Variants in PTK2 observed in about 807,000 individuals in gnomAD.
PTK2 encodes the protein protein tyrosine kinase 2, also known as focal adhesion kinase 1.
PTK2 carries 45 observed loss-of-function variants against 150.1 expected under a neutral mutation model. The ratio of observed to expected loss-of-function variants is 0.30; its 90% CI spans 0.24 to 0.38. The LOEUF is 0.38. Ranked by LOEUF, PTK2 falls within the 10% of genes least tolerant of loss-of-function variation. PTK2 has a pLI of 1.00. For synonymous variants in PTK2, 432 were observed against 449.2 expected (o/e 0.96, Z 0.48); for missense variants, 919 against 1,307.3 (o/e 0.70, Z 4.58).
At chr8:140,820,110 T>A (rs1273500951) in intron 8 of PTK2, among the ~76,000 whole-genome samples, 1 of 79,116 alleles carries the variant, frequency 1.3e-5, no homozygotes, top group Admixed American at 1.3e-4. Flanking sequence ...TTTTTTTTTT[T>A]TTTTTTTTAA....
chr8:140,991,027 C>A (rs558012067), intron 1 of PTK2, among the ~76,000 whole-genome samples: 1 of 152,188 alleles, frequency 6.6e-6, no homozygotes, highest in Non-Finnish European at 1.5e-5. Context: ...GAGCTCACAA[C>A]ATTCTGTCTG....
At chr8:140,923,590 C>T (rs1434449606) in intron 2 of PTK2, among the ~76,000 whole-genome samples, 1 of 152,190 alleles carries the variant, frequency 6.6e-6, no homozygotes, top group Non-Finnish European at 1.5e-5. Flanking sequence ...TTGAAAAGAA[C>T]AGAAACAGAC....
At chr8:140,981,812 T>C (rs536460994) in intron 1 of PTK2, among the ~76,000 whole-genome samples, 1 of 152,266 alleles carries the variant, frequency 6.6e-6, no homozygotes, top group East Asian at 1.9e-4. Context: ...GTTTACTGTC[T>C]AGCCCTTCAC....
At chr8:140,783,728 A>G (rs2100083183) in intron 14 of PTK2, among the ~76,000 whole-genome samples, 3 of 152,252 alleles carry the variant, frequency 2.0e-5, no homozygotes. Context: ...TTAATAGTTC[A>G]GAATAATTTC....
chr8:140,695,884 A>G (rs2100026231), intron 26 of PTK2, among the ~76,000 whole-genome samples: 2 of 152,224 alleles, frequency 1.3e-5, no homozygotes, highest in East Asian at 1.9e-4. Context: ...CTGAATTTTA[A>G]AAGGTCCCCT....
chr8:140,902,930 T>TGTG (rs1464479188), intron 2 of PTK2, among the ~76,000 whole-genome samples: 1 of 89,428 alleles, frequency 1.1e-5, no homozygotes, highest in Non-Finnish European at 2.4e-5. Flanking sequence ...AGTTGTTTTT[T>TGTG]TTTTTTTTTT....
In PTK2 at chr8:140,984,295, C is replaced by G. The variant is rs183775026; in HGVS notation, c.-122+16830G>C. On this transcript the variant is annotated intron_variant, in intron 1 of 31. Coordinates refer to ENST00000522684, the Ensembl canonical transcript of PTK2. Reference sequence around the variant, plus strand: ...TAGAGCCAGGATTCTGACCCCAACTCCATGCCCTTAACTACCGCAATCAAC... The same window carrying G: ...TAGAGCCAGGATTCTGACCCCAACTGCATGCCCTTAACTACCGCAATCAAC... 2.0e-5 allele frequency: 3 copies of G among 152,722 alleles called. No homozygotes were observed. In the East Asian group the frequency reaches 5.8e-4, roughly 29 times the overall value. The allele number at this position is 152,722 out of a possible 1,614,324, so 9.5% of individuals were successfully genotyped here.
At chr8:140,960,768 G>T (rs946716789) in intron 1 of PTK2, among the ~76,000 whole-genome samples, 11 of 152,054 alleles carry the variant, frequency 7.2e-5, no homozygotes, top group Admixed American at 2.0e-4. Flanking sequence ...GATCACCTGA[G>T]GTCAGGAGTT....
At position 140,688,662 on chromosome 8, in the gene PTK2, G is replaced by A. The variant is rs150879837; in HGVS notation, c.2500-1968C>T. Among the ~76,000 whole-genome samples the A allele has an allele frequency of 5.8e-3, 880 of 152,280 alleles. 12 individuals carry two copies. Among genetic ancestry groups the A allele is most frequent in the African/African-American group, 0.019 (805 of 41,540 alleles). ...TTGAGCCCAGGAGTTTGAGGCTGTA[G>A]TGAGCTACCATTGTACCACTGCACT... is the stretch of plus-strand genomic sequence containing the variant. On this transcript the variant is annotated intron_variant, in intron 26 of 31. Coordinates refer to ENST00000522684, the Ensembl canonical transcript of PTK2.
chr8:140,715,155 G>GTTT (rs67306225), intron 23 of PTK2, among the ~76,000 whole-genome samples: 5 of 56,010 alleles, frequency 8.9e-5, no homozygotes, highest in Non-Finnish European at 1.3e-4. Flanking sequence ...CATTAAAACC[G>GTTT]TTTTTTTTTT....
At chr8:140,881,677 CAT>C (rs1422694831) in intron 3 of PTK2, among the ~76,000 whole-genome samples, 3 of 152,210 alleles carry the variant, frequency 2.0e-5, no homozygotes, top group Non-Finnish European at 2.9e-5. Flanking sequence ...AATCATTTCT[CAT>C]AATTGTCACC....
intron 1 of PTK2, among the ~76,000 whole-genome samples, chr8:140,953,170 T>C (rs1182837958): frequency 6.6e-6 from 1 of 152,168 alleles, no homozygotes; most frequent in Non-Finnish European, 1.5e-5. Flanking sequence ...TTCCCACTTA[T>C]CTGCAGGGGA....
intron 2 of PTK2, among the ~76,000 whole-genome samples, chr8:140,902,171 T>C (rs1299992882): frequency 1.3e-5 from 2 of 152,048 alleles, no homozygotes; most frequent in African/African-American, 4.8e-5. Context: ...GTAGCTGGGA[T>C]TACAGGCGCA....
chr8:140,690,199 G>A (rs1031894280), intron 26 of PTK2, among the ~76,000 whole-genome samples: 9 of 152,140 alleles, frequency 5.9e-5, no homozygotes, highest in South Asian at 2.1e-4. Flanking sequence ...TGATCTGCCC[G>A]CCTCGGCCTC....
In PTK2 at chr8:140,724,482, A is replaced by G. The variant is rs142947254; in HGVS notation, c.2031-6773T>C. Among the ~76,000 whole-genome samples the G allele has an allele frequency of 2.6e-4, 40 of 152,308 alleles. No homozygotes were observed. The East Asian group carries it at 7.3e-3, about 28-fold the overall frequency. Reference sequence around the variant, plus strand: ...TTTGCTTTATTAAATATGGGAAGAAAAACTTTTTAAAAAAGATTGGATTTT... The same window carrying G: ...TTTGCTTTATTAAATATGGGAAGAAGAACTTTTTAAAAAAGATTGGATTTT... On this transcript the variant is annotated intron_variant, in intron 22 of 31. Transcript: ENST00000522684.
chr8:140,827,280 GT>G (rs1275262239), intron 8 of PTK2, among the ~76,000 whole-genome samples: 1 of 152,012 alleles, frequency 6.6e-6, no homozygotes, highest in Non-Finnish European at 1.5e-5. Context: ...TCTGACCTCT[GT>G]TTCCTAGACA....
At chr8:140,985,779 T>C (rs1359215301) in intron 1 of PTK2, among the ~76,000 whole-genome samples, 1 of 152,212 alleles carries the variant, frequency 6.6e-6, no homozygotes, top group Non-Finnish European at 1.5e-5. Flanking sequence ...ATATAATAAA[T>C]GCTTTCACAA....
intron 23 of PTK2, among the ~76,000 whole-genome samples, chr8:140,711,649 T>C (rs549361115): frequency 3.6e-4 from 55 of 152,332 alleles, no homozygotes; most frequent in African/African-American, 1.3e-3. Context: ...TTCTAGAAAA[T>C]GACATCACCA....
At chr8:140,679,003 GTTTTTTTTTTTTTTTTTTTTTTTTTT>G (rs533089786) in intron 27 of PTK2, among the ~76,000 whole-genome samples, 22 of 69,008 alleles carry the variant, frequency 3.2e-4, no homozygotes, top group South Asian at 5.6e-4. Flanking sequence ...TGCTCCCCAT[GTTTTTTTTTTTTTTTTTTTTTTTTTT>G]TTTTTTTTTT....
Sources: gnomAD v4.1 joint callset for allele counts (sites outside exome capture counted in the v4.1 genomes callset) on GRCh38, gnomAD v4.1.1 for gene constraint, MANE v1.5 for transcripts, NCBI Gene and HGNC (gene_info 2026-07-23, HGNC 2026-07-21) for gene names.